NUB1: variants seen among roughly 807,000 people sequenced by gnomAD.
NUB1 encodes the protein negative regulator of ubiquitin like proteins 1, also known as NEDD8 ultimate buster 1.
Under a neutral mutation model 77.1 loss-of-function variants are expected in NUB1, and 41 were observed. The ratio of observed to expected loss-of-function variants is 0.53; its 90% CI spans 0.41 to 0.69. NUB1 has a LOEUF of 0.69. NUB1 is among the 30% of genes least tolerant of loss of function. NUB1 has a pLI of 0.00. For synonymous variants in NUB1, 257 were observed against 281.0 expected, an observed-to-expected ratio of 0.91 and a Z score of 0.85; for missense variants, 643 against 743.8, an observed-to-expected ratio of 0.86 and a Z score of 1.58.
At chr7:151,354,208 C>G (rs952639296) in intron 5 of NUB1, among the ~76,000 whole-genome samples, 3 of 151,688 alleles carry the variant, frequency 2.0e-5, no homozygotes, top group Admixed American at 1.3e-4. Context: ...TGGTGGTGAC[C>G]CTTTTTGGGG....
intron 1 of NUB1, 42 bp downstream of exon 1, chr7:151,341,888 C>T (rs1473537958): frequency 1.7e-5 from 25 of 1,466,140 alleles, no homozygotes; most frequent in East Asian, 1.5e-4. Flanking sequence ...CCAGCCTCAG[C>T]AGCACTGCTT....
chr7:151,362,788 C>T (rs1374427838), intron 8 of NUB1, among the ~76,000 whole-genome samples: 2 of 152,326 alleles, frequency 1.3e-5, no homozygotes, highest in Non-Finnish European at 2.9e-5. Flanking sequence ...ATGATCAGCA[C>T]ATGTGTGTGA....
At chr7:151,343,032 G>A (rs1009631955) in intron 1 of NUB1, among the ~76,000 whole-genome samples, 3 of 152,158 alleles carry the variant, frequency 2.0e-5, no homozygotes, top group Non-Finnish European at 2.9e-5. Flanking sequence ...CCAGTAACCA[G>A]CCTGTGAAAT....
intron 3 of NUB1, 184 bp from the exon 4 acceptor site, chr7:151,351,240 C>T (rs921728799): frequency 5.2e-5 from 30 of 577,328 alleles, no homozygotes; most frequent in Admixed American, 9.9e-5. Flanking sequence ...CCCTTGAGGA[C>T]GTGCAGGTCA....
intron 8 of NUB1, among the ~76,000 whole-genome samples, chr7:151,364,873 G>A (rs981150188): frequency 1.3e-5 from 2 of 151,932 alleles, no homozygotes; most frequent in African/African-American, 2.4e-5. Context: ...AATATTTTAC[G>A]TTTATTTTAA....
At chr7:151,344,106 G>A (rs1489918555) in intron 1 of NUB1, among the ~76,000 whole-genome samples, 1 of 142,910 alleles carries the variant, frequency 7.0e-6, no homozygotes, top group Non-Finnish European at 1.5e-5. Context: ...GCGTGAACCC[G>A]GGAGGCGGAG....
chr7:151,353,941 TTC>T (rs1454893238), intron 5 of NUB1, among the ~76,000 whole-genome samples: 1 of 152,230 alleles, frequency 6.6e-6, no homozygotes, highest in Non-Finnish European at 1.5e-5. Context: ...CCTCTGTTAA[TTC>T]TGTTTGTGGC....
intron 1 of NUB1, 39 bp from the exon 2 acceptor site, chr7:151,345,309 G>A (rs781004670): frequency 2.3e-6 from 3 of 1,288,800 alleles, no homozygotes; most frequent in Admixed American, 3.7e-5. Context: ...ATTTTAAAAT[G>A]CGATGTGGAG....
chr7:151,367,140 T>G lies in NUB1; in HGVS notation c.987+15T>G, dbSNP rs1797728114. The G allele has an allele frequency of 6.2e-6, 10 of 1,600,690 alleles. No homozygotes were observed. The Admixed American group carries it at 6.8e-5, about 11-fold the overall frequency. ...TCCACATAAAAGTATGTTCCTGGAATTCATCTTATGTCTCGTTGAGTCCAT... is the reference window on the plus strand; with the variant it reads ...TCCACATAAAAGTATGTTCCTGGAAGTCATCTTATGTCTCGTTGAGTCCAT... On this transcript the variant is annotated intron_variant, in intron 9 of 14. Transcript: ENST00000568733.
chr7:151,344,179 T>TTA (rs1796354289), intron 1 of NUB1, among the ~76,000 whole-genome samples: 1 of 6,092 alleles, frequency 1.6e-4, no homozygotes, highest in Non-Finnish European at 3.2e-4. Context: ...AGACTCCCTC[T>TTA]CAAAAAAAAA....
chr7:151,359,113 C>G (rs1270344906), intron 7 of NUB1, among the ~76,000 whole-genome samples: 1 of 149,432 alleles, frequency 6.7e-6, no homozygotes, highest in Admixed American at 6.7e-5. Flanking sequence ...CTAAAGTTGA[C>G]AAACAACTTC....
chr7:151,357,072 A>C (rs1326730415), intron 7 of NUB1, among the ~76,000 whole-genome samples: 1 of 152,080 alleles, frequency 6.6e-6, no homozygotes, highest in East Asian at 1.9e-4. Context: ...GCTGGAGTAC[A>C]GTGGCACCAT....
chr7:151,352,758 G>A (rs898513643), intron 4 of NUB1, 54 bp from the exon 5 acceptor site: 164 of 1,165,426 alleles, frequency 1.4e-4, no homozygotes, highest in Admixed American at 3.6e-4. Context: ...CTTTTTAATG[G>A]ATAATAAATC....
intron 3 of NUB1, among the ~76,000 whole-genome samples, chr7:151,350,066 G>A (rs573834093): frequency 3.9e-5 from 6 of 152,308 alleles, no homozygotes; most frequent in South Asian, 2.1e-4. Flanking sequence ...GTAGGTAGAC[G>A]AGGCGGAGAG....
chr7:151,366,854 T>A, intron 8 of NUB1, 85 bp from the exon 9 acceptor site: 5 of 1,061,356 alleles, frequency 4.7e-6, no homozygotes, highest in Non-Finnish European at 5.4e-6. Context: ...GGGGAAAGAA[T>A]TCCAGTCATT....
chr7:151,342,027 G>A, intron 1 of NUB1, 181 bp downstream of exon 1: 1 of 1,156,592 alleles, frequency 8.6e-7, no homozygotes, highest in Non-Finnish European at 1.1e-6. Context: ...GGTGGGCCGG[G>A]CTTCGGGACG....
chr7:151,351,689 A>G (rs1796802420), intron 4 of NUB1, among the ~76,000 whole-genome samples: 1 of 152,186 alleles, frequency 6.6e-6, no homozygotes, highest in South Asian at 2.1e-4. Context: ...ACTTGCAAGC[A>G]CTATTTCCTG....
chr7:151,349,201 T>G lies in NUB1; in HGVS notation c.246T>G (p.Ile82Met). The G allele has an allele frequency of 6.2e-7, 1 of 1,612,836 alleles. No homozygotes were observed. The highest frequency in any genetic ancestry group is 8.5e-7 in the Non-Finnish European group (1 of 1,179,540). Reference protein sequence around the residue: ...TGNDNYRTTGIATIEVFLPPR... With the variant: ...TGNDNYRTTGMATIEVFLPPR... ...ATGACAATTATAGAACAACGGGAAT[T>G]GCTACAATCGAGGTGTTTTTACCAC... Residue 82 changes from isoleucine (I) to methionine (M), a missense_variant, in exon 3 of 15, where the codon ATT becomes ATG. Ile to Met is a conservative substitution (Grantham distance 10). Transcript: ENST00000568733.
intron 10 of NUB1, 144 bp from the exon 11 acceptor site, chr7:151,368,591 A>G: frequency 1.1e-6 from 1 of 871,512 alleles, no homozygotes. Flanking sequence ...CTTGTTAATA[A>G]CAGGCCTAGT....
Sources: allele counts gnomAD v4.1 joint callset (sites outside exome capture counted in the v4.1 genomes callset), GRCh38; gene constraint gnomAD v4.1.1; transcripts MANE v1.5; gene names NCBI Gene and HGNC (gene_info 2026-07-23, HGNC 2026-07-21).